Variants in C1GALT1 observed in about 807,000 individuals in gnomAD.
The protein encoded by C1GALT1 is glycoprotein-N-acetylgalactosamine 3-beta-galactosyltransferase 1.
A neutral mutation model predicts 31.0 loss-of-function variants in C1GALT1; 11 were observed. That is an observed-to-expected ratio of 0.36 (90% CI 0.22 to 0.59). The LOEUF (loss-of-function observed/expected upper bound fraction) is 0.59. Among genes scored for constraint, C1GALT1 ranks in the 20% least tolerant of loss-of-function variants. The pLI, the probability that C1GALT1 is intolerant of heterozygous loss-of-function variation, is 0.79. For missense variants in C1GALT1, 424 were observed against 425.2 expected, an observed-to-expected ratio of 1.00 and a Z score of 0.03; for synonymous variants, 175 against 143.6, an observed-to-expected ratio of 1.22 and a Z score of -1.56.
chr7:7,203,308 C>G (rs1583773447), intron 1 of C1GALT1, among the ~76,000 whole-genome samples: 1 of 151,824 alleles, frequency 6.6e-6, no homozygotes, highest in African/African-American at 2.4e-5. Context: ...GCTTTGAGTC[C>G]TTTACCATTT....
chr7:7,181,294 T>G (rs1017497261), upstream of C1GALT1, among the ~76,000 whole-genome samples: 1 of 108,898 alleles, frequency 9.2e-6, no homozygotes, highest in Non-Finnish European at 2.0e-5. Flanking sequence ...GAGCAACAAC[T>G]GTATACAAGT....
At chr7:7,243,129 C>G (rs761561771) in intron 3 of C1GALT1, among the ~76,000 whole-genome samples, 1 of 151,962 alleles carries the variant, frequency 6.6e-6, no homozygotes, top group Non-Finnish European at 1.5e-5. Context: ...AGGTATGTTT[C>G]CGAGTATGAG....
intron 2 of C1GALT1, among the ~76,000 whole-genome samples, chr7:7,167,758 G>T (rs375156053): frequency 1.3e-4 from 20 of 152,088 alleles, no homozygotes; most frequent in African/African-American, 4.8e-4. Context: ...TTCTCACAGC[G>T]CCCAGTCCCT....
intron 2 of C1GALT1, among the ~76,000 whole-genome samples, chr7:7,177,172 T>A (rs1252822150): frequency 6.6e-6 from 1 of 152,186 alleles, no homozygotes; most frequent in Non-Finnish European, 1.5e-5. Flanking sequence ...TTAAGGCCAT[T>A]CATCCACTAC....
chr7:7,221,341 A>G (rs1165547009), intron 1 of C1GALT1, among the ~76,000 whole-genome samples: 1 of 152,086 alleles, frequency 6.6e-6, no homozygotes, highest in African/African-American at 2.4e-5. Context: ...TCTGATTTTT[A>G]AAAACTGATA....
chr7:7,235,222 C>G (rs1020679700), intron 2 of C1GALT1: 2 of 152,166 alleles, frequency 1.3e-5, no homozygotes, highest in Admixed American at 1.3e-4. Context: ...GTGACATTAA[C>G]ACAATGCAAA....
intron 1 of C1GALT1, among the ~76,000 whole-genome samples, chr7:7,191,822 A>AT (rs200838243): frequency 0.023 from 3,531 of 151,094 alleles, 122 homozygotes; most frequent in African/African-American, 0.081. Flanking sequence ...AATCAGGTTG[A>AT]TTTTTTTTGT....
At chr7:7,202,997 C>T (rs1341240210) in intron 1 of C1GALT1, among the ~76,000 whole-genome samples, 1 of 151,110 alleles carries the variant, frequency 6.6e-6, no homozygotes, top group Non-Finnish European at 1.5e-5. Context: ...ATTATTACTT[C>T]AAGAAGTGTT....
At chr7:7,224,084 TTACA>T (rs1261145188) in intron 1 of C1GALT1, among the ~76,000 whole-genome samples, 1 of 152,230 alleles carries the variant, frequency 6.6e-6, no homozygotes, top group African/African-American at 2.4e-5. Context: ...TGAACCATCC[TTACA>T]TACTCAGAAT....
intron 1 of C1GALT1, among the ~76,000 whole-genome samples, chr7:7,204,077 G>T (rs1280398770): frequency 1.3e-5 from 2 of 149,530 alleles, no homozygotes; most frequent in African/African-American, 4.9e-5. Flanking sequence ...AATAAGTCAG[G>T]AAGTGTTCCC....
intron 1 of C1GALT1, among the ~76,000 whole-genome samples, chr7:7,214,614 A>C (rs952138084): frequency 1.3e-5 from 2 of 152,178 alleles, no homozygotes; most frequent in African/African-American, 4.8e-5. Context: ...AACAAGGCTT[A>C]ATCAGGTAAT....
intron 2 of C1GALT1, among the ~76,000 whole-genome samples, chr7:7,164,843 T>A (rs1426533770): frequency 6.6e-6 from 1 of 152,112 alleles, no homozygotes; most frequent in Non-Finnish European, 1.5e-5. Flanking sequence ...CTCCCAATAG[T>A]TGTGGAAATA....
chr7:7,185,063 A>G (rs1208642936), intron 1 of C1GALT1, among the ~76,000 whole-genome samples: 1 of 152,212 alleles, frequency 6.6e-6, no homozygotes, highest in Non-Finnish European at 1.5e-5. Context: ...ATATGCCAAA[A>G]TCTGTAATAT....
chr7:7,195,120 C>G (rs572517235), intron 1 of C1GALT1, among the ~76,000 whole-genome samples: 9 of 152,152 alleles, frequency 5.9e-5, no homozygotes, highest in Non-Finnish European at 1.3e-4. Context: ...AACCAGCTTT[C>G]TGTTTCATTT....
At position 7,217,429 on chromosome 7, in the gene C1GALT1, C is replaced by G. The variant is rs543334183; in HGVS notation, c.-17-16874C>G. Among the ~76,000 whole-genome samples, 81 of 152,080 alleles carry G rather than the reference C, an allele frequency of 5.3e-4. 2 individuals are homozygous for G. The Middle Eastern group carries it at 0.01, about 19-fold the overall frequency. Reference sequence around the variant, plus strand: ...CCCAGGCTGCAGTGTAGTGGTCATTCACAAGTGATCCTCCTGCCTCAGCCT... The same window carrying G: ...CCCAGGCTGCAGTGTAGTGGTCATTGACAAGTGATCCTCCTGCCTCAGCCT... On this transcript the variant is annotated intron_variant, in intron 1 of 3. Transcript: ENST00000436587.
chr7:7,180,594 G>A (rs75846347), upstream of C1GALT1, among the ~76,000 whole-genome samples: 478 of 152,334 alleles, frequency 3.1e-3, 5 homozygotes, highest in African/African-American at 0.011. Context: ...TTCTTAGAGA[G>A]ATGCCTAGAA....
intron 3 of C1GALT1, among the ~76,000 whole-genome samples, chr7:7,242,814 C>T (rs2190936): frequency 0.22 from 33,897 of 151,992 alleles, 4,134 homozygotes; most frequent in Admixed American, 0.34. Context: ...TTAGGGCCAC[C>T]TGATATGATT....
intron 1 of C1GALT1, among the ~76,000 whole-genome samples, chr7:7,232,502 T>TG (rs1169780102): frequency 2.8e-5 from 4 of 145,428 alleles, no homozygotes; most frequent in South Asian, 4.3e-4. Context: ...TTTTTGTTTT[T>TG]TTTTTTTTGA....
intron 1 of C1GALT1, among the ~76,000 whole-genome samples, chr7:7,205,461 G>T (rs1781699698): frequency 6.6e-6 from 1 of 152,082 alleles, no homozygotes; most frequent in African/African-American, 2.4e-5. Context: ...AGTGGAAGTA[G>T]ATAATCATGA....
Sources: gnomAD v4.1 joint callset for allele counts (sites outside exome capture counted in the v4.1 genomes callset) on GRCh38, gnomAD v4.1.1 for gene constraint, MANE v1.5 for transcripts, NCBI Gene and HGNC (gene_info 2026-07-23, HGNC 2026-07-21) for gene names.